Variants in TANC2 observed in about 807,000 individuals in gnomAD.
TANC2 encodes tetratricopeptide repeat, ankyrin repeat and coiled-coil containing 2.
Under a neutral mutation model 210.5 loss-of-function variants are expected in TANC2, and 26 were observed. The ratio of observed to expected loss-of-function variants is 0.12; its 90% CI spans 0.09 to 0.17. The LOEUF (loss-of-function observed/expected upper bound fraction) is 0.17. Among genes scored for constraint, TANC2 ranks in the 10% least tolerant of loss-of-function variants. The pLI is 1.00. For synonymous variants in TANC2, 931 were observed against 967.1 expected (o/e 0.96, Z 0.69); for missense variants, 2,129 against 2,608.9 (o/e 0.82, Z 4.01).
In TANC2 at chr17:63,180,467, A is replaced by G. The variant is rs551132885; in HGVS notation, c.434-13524A>G. Among the ~76,000 whole-genome samples, 13 of 152,348 alleles carry G rather than the reference A, an allele frequency of 8.5e-5. No individual in the cohort carries two copies. In the South Asian group the frequency reaches 2.5e-3, roughly 29 times the overall value. On this transcript the variant is annotated intron_variant, in intron 5 of 27. Transcript: ENST00000689528. Reference sequence around the variant, plus strand: ...TAGAGTTGATGGGTTCAGGACAAGTATTACTATTTAAACAGTATCACTATT... The same window carrying G: ...TAGAGTTGATGGGTTCAGGACAAGTGTTACTATTTAAACAGTATCACTATT...
At chr17:63,355,149 C>T in exon 14 of TANC2, 1 of 1,613,880 alleles carries the variant, frequency 6.2e-7, no homozygotes, top group Non-Finnish European at 8.5e-7. Flanking sequence ...GGTGATGCCT[C>T]TCCTGAATGT....
At chr17:63,365,365 G>A (rs1303413280) in intron 14 of TANC2, among the ~76,000 whole-genome samples, 1 of 147,918 alleles carries the variant, frequency 6.8e-6, no homozygotes, top group Non-Finnish European at 1.5e-5. Context: ...TTACTTGCAA[G>A]TATCTGTTTG....
intron 2 of TANC2, among the ~76,000 whole-genome samples, chr17:63,032,708 A>G (rs1443046980): frequency 6.6e-6 from 1 of 152,166 alleles, no homozygotes; most frequent in Non-Finnish European, 1.5e-5. Context: ...ATATCAGATC[A>G]CTAAAAGAAC....
chr17:63,354,740 A>G (rs1197000813), intron 13 of TANC2, 43 bp from the exon 14 acceptor site: 4 of 1,523,832 alleles, frequency 2.6e-6, no homozygotes, highest in Admixed American at 2.3e-5. Context: ...GTTAGGGGAA[A>G]CTGAAGGTCT....
At chr17:63,174,355 A>T (rs2040505296) in intron 5 of TANC2, among the ~76,000 whole-genome samples, 1 of 152,152 alleles carries the variant, frequency 6.6e-6, no homozygotes, top group Non-Finnish European at 1.5e-5. Context: ...AGAAACTTGA[A>T]ATCTGTTTCC....
At chr17:63,102,466 T>C (rs1029389462) in intron 4 of TANC2, among the ~76,000 whole-genome samples, 1 of 151,864 alleles carries the variant, frequency 6.6e-6, no homozygotes, top group Non-Finnish European at 1.5e-5. Context: ...TTCCTTTTTA[T>C]TTTTATTTAT....
chr17:63,226,962 A>G (rs1042530852), intron 7 of TANC2, among the ~76,000 whole-genome samples: 10 of 152,166 alleles, frequency 6.6e-5, no homozygotes, highest in African/African-American at 2.4e-4. Flanking sequence ...ATAGTATTCC[A>G]TGGTGTATAT....
At chr17:63,073,854 T>C (rs780762534) in intron 2 of TANC2, 89 bp from the exon 3 acceptor site, 3 of 1,056,302 alleles carry the variant, frequency 2.8e-6, no homozygotes, top group Admixed American at 2.4e-5. Context: ...AAATGATCGA[T>C]ATAGTAGTTT....
chr17:63,328,931 A>C (rs924654402), intron 11 of TANC2, among the ~76,000 whole-genome samples: 2 of 152,150 alleles, frequency 1.3e-5, no homozygotes, highest in Non-Finnish European at 2.9e-5. Flanking sequence ...ATCAAACATA[A>C]TAATTTAAAA....
At chr17:63,355,737 T>C (rs926318393) in intron 14 of TANC2, among the ~76,000 whole-genome samples, 1 of 152,216 alleles carries the variant, frequency 6.6e-6, no homozygotes, top group Non-Finnish European at 1.5e-5. Flanking sequence ...AGAATTGATA[T>C]ATTGTAAATC....
intron 2 of TANC2, among the ~76,000 whole-genome samples, chr17:63,071,471 A>G (rs2036395390): frequency 6.6e-6 from 1 of 152,046 alleles, no homozygotes; most frequent in African/African-American, 2.4e-5. Context: ...AATTTCTTAA[A>G]TAGTGGTCTT....
chr17:63,040,070 T>G (rs912116525), intron 2 of TANC2, among the ~76,000 whole-genome samples: 1 of 152,176 alleles, frequency 6.6e-6, no homozygotes, highest in Non-Finnish European at 1.5e-5. Context: ...CAGAAAACAT[T>G]AGTAGCGCAC....
At chr17:63,406,507 TCTC>T (rs1392846068) in intron 21 of TANC2, among the ~76,000 whole-genome samples, 10 of 152,230 alleles carry the variant, frequency 6.6e-5, no homozygotes, top group Admixed American at 3.9e-4. Flanking sequence ...TATTCTAAAT[TCTC>T]ATTCAGATCA....
In TANC2 at chr17:63,371,142, C is replaced by T. The variant is rs1229633224; in HGVS notation, c.2583-8576C>T. 2.0e-5 allele frequency among the ~76,000 whole-genome samples: 3 copies of T among 152,142 alleles called. No individual in the cohort carries two copies. The East Asian group carries it at 5.8e-4, about 29-fold the overall frequency. On this transcript the variant is annotated intron_variant, in intron 14 of 27. Transcript: ENST00000689528. ...TTGCCAGCTAGCTGTAACTATACCA[C>T]TTTGTCACATCTGACCCTCACACAG...
chr17:63,116,810 A>T (rs898631587), intron 4 of TANC2, among the ~76,000 whole-genome samples: 1 of 152,224 alleles, frequency 6.6e-6, no homozygotes, highest in African/African-American at 2.4e-5. Context: ...TTACATTGCA[A>T]CAAAATCACT....
chr17:62,980,961 C>T (rs1440118334), intron 1 of TANC2, among the ~76,000 whole-genome samples: 1 of 152,186 alleles, frequency 6.6e-6, no homozygotes, highest in East Asian at 1.9e-4. Flanking sequence ...GACTTCTCTC[C>T]CTGAGTTGTT....
chr17:62,984,503 G>A (rs2032470580), intron 1 of TANC2, among the ~76,000 whole-genome samples: 1 of 151,484 alleles, frequency 6.6e-6, no homozygotes, highest in Non-Finnish European at 1.5e-5. Context: ...GTTAATTTTG[G>A]GTTCGGCTTG....
intron 25 of TANC2, among the ~76,000 whole-genome samples, chr17:63,414,794 C>T (rs1207752797): frequency 2.0e-5 from 3 of 152,184 alleles, no homozygotes; most frequent in Admixed American, 6.5e-5. Context: ...CTGCATCTTT[C>T]TGGTCTCAGC....
At chr17:63,171,081 C>CTTTTT (rs578140711) in intron 5 of TANC2, among the ~76,000 whole-genome samples, 93 of 98,046 alleles carry the variant, frequency 9.5e-4, no homozygotes, top group Middle Eastern at 6.3e-3. Flanking sequence ...GTATTTCTTT[C>CTTTTT]TTTTTTTTTT....
Sources: gnomAD v4.1 joint callset for allele counts (sites outside exome capture counted in the v4.1 genomes callset) on GRCh38, gnomAD v4.1.1 for gene constraint, MANE v1.5 for transcripts, NCBI Gene and HGNC (gene_info 2026-07-23, HGNC 2026-07-21) for gene names.